The following FAM135A variants were observed in gnomAD, a reference collection of about 807,000 sequenced individuals.
FAM135A encodes the protein family with sequence similarity 135 member A.
FAM135A carries 79 observed loss-of-function variants against 146.8 expected under a neutral mutation model. The observed-to-expected ratio is 0.54, with a 90% CI of 0.45 to 0.65. The LOEUF is 0.65. FAM135A is among the 30% of genes least tolerant of loss of function. The pLI, the probability that FAM135A is intolerant of heterozygous loss-of-function variation, is 0.00. For synonymous variants in FAM135A, 562 were observed against 603.6 expected (o/e 0.93, Z 1.01); for missense variants, 1,623 against 1,758.2 (o/e 0.92, Z 1.38).
chr6:70,430,718 G>A (rs1227324606), intron 4 of FAM135A, among the ~76,000 whole-genome samples: 2 of 152,224 alleles, frequency 1.3e-5, no homozygotes, highest in Non-Finnish European at 2.9e-5. Context: ...AAGAAAGGAA[G>A]CTACAGCTAC....
intron 12 of FAM135A, among the ~76,000 whole-genome samples, chr6:70,513,840 T>C (rs1374451129): frequency 2.0e-5 from 3 of 152,054 alleles, no homozygotes; most frequent in Non-Finnish European, 2.9e-5. Context: ...AGTACCATTA[T>C]CTTCTGGCCT....
chr6:70,452,258 G>A (rs997897341), intron 4 of FAM135A, among the ~76,000 whole-genome samples: 10 of 151,820 alleles, frequency 6.6e-5, no homozygotes, highest in African/African-American at 2.2e-4. Context: ...TATATGTATT[G>A]TATCTGTTCC....
chr6:70,503,217 G>A (rs572778992), intron 12 of FAM135A: 169 of 154,196 alleles, frequency 1.1e-3, no homozygotes, highest in Non-Finnish European at 2.2e-3. Context: ...TTAGCAGGAT[G>A]GAGGGGGCAG....
intron 5 of FAM135A, among the ~76,000 whole-genome samples, chr6:70,461,114 T>C (rs1300854556): frequency 1.3e-5 from 2 of 152,124 alleles, no homozygotes; most frequent in African/African-American, 4.8e-5. Flanking sequence ...TAAGCCACCG[T>C]GCCAAGCCTA....
intron 11 of FAM135A, among the ~76,000 whole-genome samples, chr6:70,499,724 C>G (rs893919214): frequency 8.5e-5 from 13 of 152,122 alleles, no homozygotes; most frequent in Admixed American, 4.6e-4. Flanking sequence ...TTTATTTCTC[C>G]TTCACTTATG....
chr6:70,424,674 C>T (rs1474371318), intron 2 of FAM135A, among the ~76,000 whole-genome samples: 2 of 152,174 alleles, frequency 1.3e-5, no homozygotes, highest in African/African-American at 2.4e-5. Context: ...CACATTTAAG[C>T]GGCCTTATTT....
At chr6:70,512,401 A>G (rs1200225468) in intron 12 of FAM135A, among the ~76,000 whole-genome samples, 1 of 151,808 alleles carries the variant, frequency 6.6e-6, no homozygotes, top group Non-Finnish European at 1.5e-5. Context: ...TTGCTTGGTC[A>G]TTGGGTAGAT....
In FAM135A at chr6:70,441,829, C is replaced by T. The variant is rs1401278025; in HGVS notation, c.78-10663C>T. ...CCTCCCAAGTAGCTGGGATTACAGGCGCCCACAACCACGCCTGGCTAATTT... is the reference window on the plus strand; with the variant it reads ...CCTCCCAAGTAGCTGGGATTACAGGTGCCCACAACCACGCCTGGCTAATTT... On this transcript the variant is annotated intron_variant, in intron 4 of 21. Coordinates refer to ENST00000418814, the MANE Select transcript of FAM135A (RefSeq NM_001162529.3). Among the ~76,000 whole-genome samples the T allele has an allele frequency of 7.9e-5, 12 of 151,922 alleles. No individual in the cohort carries two copies. The South Asian group carries it at 1.2e-3, about 16-fold the overall frequency.
chr6:70,429,875 G>A (rs1277031091), intron 4 of FAM135A, among the ~76,000 whole-genome samples: 1 of 151,650 alleles, frequency 6.6e-6, no homozygotes, highest in Admixed American at 6.6e-5. Context: ...GGGACTAACA[G>A]AAGAAGTAGA....
At chr6:70,489,574 A>G (rs1443531086) in intron 10 of FAM135A, among the ~76,000 whole-genome samples, 1 of 152,178 alleles carries the variant, frequency 6.6e-6, no homozygotes, top group East Asian at 1.9e-4. Context: ...ATTTAAAGAG[A>G]CAGTAGTATA....
chr6:70,420,860 A>G (rs527409800), intron 2 of FAM135A, among the ~76,000 whole-genome samples: 2 of 151,764 alleles, frequency 1.3e-5, no homozygotes, highest in South Asian at 4.1e-4. Context: ...TTATACTTAC[A>G]GCATACCTCA....
intron 12 of FAM135A, among the ~76,000 whole-genome samples, chr6:70,521,752 G>A (rs1301984749): frequency 6.6e-6 from 1 of 152,126 alleles, no homozygotes; most frequent in African/African-American, 2.4e-5. Context: ...AGCTGACAAA[G>A]CCTTTCCTTT....
At chr6:70,440,364 A>G (rs1582116111) in intron 4 of FAM135A, among the ~76,000 whole-genome samples, 1 of 152,148 alleles carries the variant, frequency 6.6e-6, no homozygotes, top group African/African-American at 2.4e-5. Context: ...CTTTACCCAG[A>G]GTCATTATTT....
intron 12 of FAM135A, among the ~76,000 whole-genome samples, chr6:70,514,842 CA>C (rs1215645687): frequency 6.6e-6 from 1 of 152,086 alleles, no homozygotes. Context: ...GTGAAAATTG[CA>C]GAAAAGCCCT....
intron 4 of FAM135A, among the ~76,000 whole-genome samples, chr6:70,436,847 A>G (rs1399321453): frequency 6.6e-6 from 1 of 152,238 alleles, no homozygotes; most frequent in Non-Finnish European, 1.5e-5. Context: ...TTTTTAAAGT[A>G]TAAGTAAATA....
In FAM135A at chr6:70,448,748, A is replaced by C. The variant is rs186522468; in HGVS notation, c.78-3744A>C. Among the ~76,000 whole-genome samples, 219 of 152,344 alleles carry C rather than the reference A, an allele frequency of 1.4e-3. 3 individuals are homozygous for C. The highest frequency in any genetic ancestry group is 4.1e-3 in the Admixed American group (62 of 15,308). ...TTTCTATGGATATTAGATTAACTAA[A>C]AGTATCCCTTATGGGAAACAAAGGG... On this transcript the variant is annotated intron_variant, in intron 4 of 21. Coordinates refer to ENST00000418814, the MANE Select transcript of FAM135A (RefSeq NM_001162529.3).
intron 2 of FAM135A, among the ~76,000 whole-genome samples, chr6:70,419,399 A>G (rs1452587048): frequency 2.0e-5 from 3 of 147,462 alleles, no homozygotes; most frequent in Non-Finnish European, 4.5e-5. Context: ...AGCCTGGGTG[A>G]CAGAGCGAGA....
chr6:70,424,957 G>A (rs1769711180), intron 2 of FAM135A, among the ~76,000 whole-genome samples: 1 of 151,998 alleles, frequency 6.6e-6, no homozygotes, highest in Admixed American at 6.6e-5. Context: ...TGTTATAGCA[G>A]TATCTTAATT....
intron 11 of FAM135A, among the ~76,000 whole-genome samples, chr6:70,501,777 C>T (rs1348018527): frequency 6.6e-6 from 1 of 152,308 alleles, no homozygotes; most frequent in Admixed American, 6.5e-5. Context: ...TCTACTCACC[C>T]TCCGTGGGTT....
Sources: gnomAD v4.1 joint callset for allele counts (sites outside exome capture counted in the v4.1 genomes callset) on GRCh38, gnomAD v4.1.1 for gene constraint, MANE v1.5 for transcripts, NCBI Gene and HGNC (gene_info 2026-07-23, HGNC 2026-07-21) for gene names.